The following AHRR variants were observed in gnomAD, a reference collection of about 807,000 sequenced individuals.
AHRR encodes the protein aryl hydrocarbon receptor repressor, also known as ahR repressor.
In AHRR, 28 loss-of-function variants were observed where a neutral mutation model predicts 44.0. The ratio of observed to expected loss-of-function variants is 0.64; its 90% CI spans 0.47 to 0.87. The LOEUF is 0.87. Ranked by LOEUF, AHRR falls within the 40% of genes least tolerant of loss-of-function variation. The probability of loss-of-function intolerance (pLI) is 0.00; values close to 1 mark genes in which losing one functional copy is unlikely to be tolerated. For synonymous variants in AHRR, 434 were observed against 407.0 expected (o/e 1.07, Z -0.80); for missense variants, 990 against 953.9 (o/e 1.04, Z -0.50).
At chr5:432,626 G>A (rs1397838510) in intron 9 of AHRR, 102 bp downstream of exon 9, 1 of 1,522,394 alleles carries the variant, frequency 6.6e-7, no homozygotes, top group Non-Finnish European at 9.1e-7. Context: ...GTATTCCATG[G>A]AAAAGCCATT....
rs1742942209 is a variant in AHRR at position 353,743 on chromosome 5, G to C, written c.76G>C (p.Gly26Arg). ...RPLQKQRPAVGAEKSNPSKRH... is the reference protein window; with the variant it reads ...RPLQKQRPAVRAEKSNPSKRH... The stretch of plus-strand genomic sequence containing the variant: ...ATCTCCCCACAGGAGGCCCGCCGTG[G>C]GGGCAGAGAAGTCCAACCCCTCCAA... The change falls in exon 3 of 11, where the codon GGG becomes CGG. Residue 26 changes from glycine (G) to arginine (R), a missense_variant. Gly to Arg is a moderately radical substitution (Grantham distance 125, BLOSUM62 -2). Transcript: ENST00000684583. 8.1e-6 allele frequency: 13 copies of C among 1,610,590 alleles called. No individual in the cohort carries two copies. The highest frequency in any genetic ancestry group is 1.1e-5 in the Non-Finnish European group (13 of 1,179,270).
chr5:424,067 G>A (rs1174061406), intron 7 of AHRR, 90 bp downstream of exon 7: 3 of 1,522,490 alleles, frequency 2.0e-6, no homozygotes, highest in African/African-American at 1.4e-5. Context: ...AGAGGGGGTG[G>A]GGGCGTTAAA....
intron 2 of AHRR, among the ~76,000 whole-genome samples, chr5:346,600 C>T (rs2126378026): frequency 6.6e-6 from 1 of 152,320 alleles, no homozygotes; most frequent in East Asian, 1.9e-4. Context: ...CCCCGGGGGA[C>T]CCAGCTATGG....
At chr5:415,913 T>C (rs1187333039) in intron 5 of AHRR, among the ~76,000 whole-genome samples, 2 of 123,060 alleles carry the variant, frequency 1.6e-5, no homozygotes, top group Non-Finnish European at 3.6e-5. Flanking sequence ...TTGCTGGTGA[T>C]TCTGCAAAAA....
In AHRR at chr5:434,480, A is replaced by G. The variant is rs749919883; in HGVS notation, c.1740A>G (p.Gln580=). ...TGAAAACAGAGCCAGACTCTCGGCA[A>G]CAGGTGTACATCTCGCACCTGGGGC... ...MHLKTEPDSR[Q]QVYISHLGHG... is the part of the protein sequence containing the mutation. Residue 580 remains glutamine, a synonymous_variant, in exon 11 of 11, where the codon CAA becomes CAG. Transcript: ENST00000684583. 3.1e-6 allele frequency: 5 copies of G among 1,613,284 alleles called. No homozygotes were observed. In the African/African-American group the frequency reaches 6.7e-5, roughly 22 times the overall value.
rs752304207 is a variant in AHRR at position 413,336 on chromosome 5, T to G, written c.352-8T>G. On this transcript the variant is annotated splice_polypyrimidine_tract_variant and splice_region_variant and intron_variant, in intron 4 of 10. Transcript: ENST00000684583. ...CGATTTTTTTTTTTGTTTTGTTTTTTCTTCTAGTCTCTTAATGGCTTTGCT... is the reference window on the plus strand; with the variant it reads ...CGATTTTTTTTTTTGTTTTGTTTTTGCTTCTAGTCTCTTAATGGCTTTGCT... 24 of 1,576,222 alleles carry G rather than the reference T, an allele frequency of 1.5e-5. No homozygotes were observed. Among genetic ancestry groups the G allele is most frequent in the Middle Eastern group, 1.7e-4 (1 of 5,898 alleles).
chr5:356,518 C>T (rs1743053913), intron 3 of AHRR, among the ~76,000 whole-genome samples: 1 of 140,454 alleles, frequency 7.1e-6, no homozygotes, highest in African/African-American at 2.7e-5. Flanking sequence ...GGGCAGTCAG[C>T]GACTGAGGAA....
rs1402028698 is a variant in AHRR at position 366,949 on chromosome 5, G to A, written c.245-9661G>A. Among the ~76,000 whole-genome samples, 8 of 152,378 alleles carry A rather than the reference G, an allele frequency of 5.3e-5. No individual in the cohort carries two copies. In the South Asian group the frequency reaches 8.3e-4, roughly 16 times the overall value. ...GTGGCAGGGACTAAGGCAGTGTGGCGATGGCTGCTGCCGCAGTCCAGCACC... is the reference window on the plus strand; with the variant it reads ...GTGGCAGGGACTAAGGCAGTGTGGCAATGGCTGCTGCCGCAGTCCAGCACC... On this transcript the variant is annotated intron_variant, in intron 3 of 10. Coordinates refer to ENST00000684583, the MANE Select transcript of AHRR (RefSeq NM_001377236.1).
intron 4 of AHRR, chr5:403,850 G>T: frequency 1.9e-6 from 3 of 1,574,850 alleles, no homozygotes; most frequent in Non-Finnish European, 2.6e-6. Flanking sequence ...AAAGGACAAA[G>T]AACCCACATT....
At chr5:365,145 A>AT (rs1743314448) in intron 3 of AHRR, among the ~76,000 whole-genome samples, 1 of 152,128 alleles carries the variant, frequency 6.6e-6, no homozygotes, top group East Asian at 1.9e-4. Flanking sequence ...GAAAAAAAAA[A>AT]GGTTAATTTA....
chr5:351,696 A>T (rs962753582), intron 2 of AHRR, among the ~76,000 whole-genome samples: 1 of 152,210 alleles, frequency 6.6e-6, no homozygotes, highest in Non-Finnish European at 1.5e-5. Context: ...AGTGACATTG[A>T]ACTGTTCACT....
intron 5 of AHRR, among the ~76,000 whole-genome samples, chr5:414,316 C>A (rs1044914840): frequency 1.3e-5 from 2 of 152,022 alleles, no homozygotes; most frequent in Admixed American, 1.3e-4. Context: ...AGGGGAGCAA[C>A]GGAGCTGTTT....
At position 434,317 on chromosome 5, in the gene AHRR, C is replaced by A. The variant is rs762929753; in HGVS notation, c.1577C>A (p.Thr526Lys). 6 of 1,610,932 alleles carry A rather than the reference C, an allele frequency of 3.7e-6. No homozygotes were observed. The highest frequency in any genetic ancestry group is 5.1e-6 in the Non-Finnish European group (6 of 1,178,548). Residue 526 changes from threonine to lysine, a missense_variant, in exon 11 of 11, where the codon ACG (threonine) becomes AAG (lysine). Thr to Lys is a moderately conservative substitution (Grantham distance 78). Transcript: ENST00000684583. The stretch of plus-strand genomic sequence containing the variant: ...CCTCCGGGGGACCTGTGTGGTCCGA[C>A]GCTGCTGCTAGATGTGTCCATCAAG... The part of the protein sequence containing the change: ...PMPPGDLCGP[T>K]LLLDVSIKME...
intron 8 of AHRR, chr5:432,231 C>A: frequency 2.0e-6 from 1 of 498,264 alleles, no homozygotes; most frequent in Non-Finnish European, 3.6e-6. Context: ...ATTCATTAGC[C>A]CTTCATTGGC....
intron 4 of AHRR, among the ~76,000 whole-genome samples, chr5:381,297 C>T (rs1252704661): frequency 6.6e-6 from 1 of 152,150 alleles, no homozygotes; most frequent in African/African-American, 2.4e-5. Context: ...TGAAATGAAC[C>T]ATCACATAGA....
intron 3 of AHRR, among the ~76,000 whole-genome samples, chr5:375,211 A>G (rs1579638040): frequency 6.6e-6 from 1 of 152,196 alleles, no homozygotes; most frequent in African/African-American, 2.4e-5. Context: ...GCTTTTATTC[A>G]AGTGGTTATT....
At chr5:376,548 A>AGGAATGAGACCCGTGGGG in intron 3 of AHRR, 62 bp from the exon 4 acceptor site, 1 of 1,416,504 alleles carries the variant, frequency 7.1e-7, no homozygotes. Flanking sequence ...AAAGATGTGA[A>AGGAATGAGACCCGTGGGG]TGAAGAAGAG....
rs568317662 is a variant in AHRR, at chr5:321,876, G to C, written c.-11+57G>C. On this transcript the variant is annotated intron_variant, in intron 1 of 10. Coordinates refer to ENST00000684583, the MANE Select transcript of AHRR (RefSeq NM_001377236.1). This position sits in a 1 kb window ranked among gnomAD's most constrained non-coding sequence, Gnocchi z 8.3. ...GCCGCGTGCCGCCCGCGGTGGAGAC[G>C]GGATGCGCTCCCGGGTGTGGGGCTG... 6.6e-6 allele frequency: 1 copy of C among 152,058 alleles called. No individual in the cohort carries two copies. The highest frequency in any genetic ancestry group is 2.4e-5 in the African/African-American group (1 of 41,414). 9.4% of individuals were successfully genotyped at this position (152,058 alleles called of 1,614,324 possible).
chr5:427,772 T>A (rs1329943167), intron 7 of AHRR, 35 bp from the exon 8 acceptor site: 9 of 1,612,056 alleles, frequency 5.6e-6, no homozygotes, highest in Non-Finnish European at 7.6e-6. Context: ...GGCCACTTGG[T>A]GAACACGCCT....
Sources: allele counts gnomAD v4.1 joint callset (sites outside exome capture counted in the v4.1 genomes callset), GRCh38; gene constraint gnomAD v4.1.1; non-coding constraint Gnocchi (gnomAD v3.1); transcripts MANE v1.5; gene names NCBI Gene and HGNC (gene_info 2026-07-23, HGNC 2026-07-21).